DOCK9: variants seen among roughly 807,000 people sequenced by gnomAD.
DOCK9 encodes the protein dedicator of cytokinesis 9, also known as dedicator of cytokinesis protein 9.
DOCK9 carries 89 observed loss-of-function variants against 263.3 expected under a neutral mutation model. The observed-to-expected ratio is 0.34, with a 90% confidence interval of 0.28 to 0.40. The LOEUF is 0.40. Ranked by LOEUF, DOCK9 falls within the 10% of genes least tolerant of loss-of-function variation. The pLI, the probability that DOCK9 is intolerant of heterozygous loss-of-function variation, is 1.00. For synonymous variants in DOCK9, 976 were observed against 973.1 expected (o/e 1.00, Z -0.06); for missense variants, 2,140 against 2,603.4 (o/e 0.82, Z 3.87).
At chr13:98,882,621 GTTCTGTGCATTATTTC>G (rs140288507) in intron 23 of DOCK9, among the ~76,000 whole-genome samples, 19,524 of 152,096 alleles carry the variant, frequency 0.13, 1,349 homozygotes, top group South Asian at 0.2. Flanking sequence ...GCTGGGACTG[GTTCTGTGCATTATTTC>G]TTTATTTGAT....
intron 1 of DOCK9, among the ~76,000 whole-genome samples, chr13:98,964,021 A>G (rs752519973): frequency 6.6e-6 from 1 of 152,208 alleles, no homozygotes; most frequent in Non-Finnish European, 1.5e-5. Context: ...CCTTGTGTAC[A>G]CATGTGATTA....
chr13:98,896,668 G>C (rs1488371569), intron 15 of DOCK9, among the ~76,000 whole-genome samples: 1 of 152,170 alleles, frequency 6.6e-6, no homozygotes, highest in Non-Finnish European at 1.5e-5. Flanking sequence ...GGTTCAGAGT[G>C]AACTCTTTAG....
chr13:98,827,506 C>G (rs543700578), intron 43 of DOCK9, among the ~76,000 whole-genome samples: 1 of 152,378 alleles, frequency 6.6e-6, no homozygotes, highest in Admixed American at 6.5e-5. Context: ...CTAATGCATG[C>G]GGTTCTGTGC....
In DOCK9 at chr13:98,810,238, C is replaced by T; in HGVS notation, c.5184G>A (p.Glu1728=). 1 of 1,613,156 alleles carries T rather than the reference C, an allele frequency of 6.2e-7. No individual in the cohort carries two copies. Among genetic ancestry groups the T allele is most frequent in the Non-Finnish European group, 8.5e-7 (1 of 1,179,690 alleles). ...AGATGTCGGCGATGAGCTCGTAGCGCTCGGCTTTCCAGAGTCCATCTGCGC... is the reference window on the plus strand; with the variant it reads ...AGATGTCGGCGATGAGCTCGTAGCGTTCGGCTTTCCAGAGTCCATCTGCGC... ...EQCADGLWKA[E]RYELIADIYK... Residue 1728 remains glutamate, a synonymous_variant, in exon 46 of 53, where the codon GAG becomes GAA. Coordinates refer to ENST00000682017, the MANE Select transcript of DOCK9 (RefSeq NM_001366683.2).
intron 1 of DOCK9, among the ~76,000 whole-genome samples, chr13:99,051,661 G>A (rs2040701353): frequency 6.6e-6 from 1 of 151,920 alleles, no homozygotes; most frequent in Non-Finnish European, 1.5e-5. Context: ...ACCTGCAGAC[G>A]ACTTGACTCA....
At chr13:98,915,980 T>C (rs1457597927) in intron 7 of DOCK9, among the ~76,000 whole-genome samples, 1 of 152,234 alleles carries the variant, frequency 6.6e-6, no homozygotes, top group Non-Finnish European at 1.5e-5. Flanking sequence ...CATTATCTAT[T>C]ACTATGTTTG....
intron 1 of DOCK9, among the ~76,000 whole-genome samples, chr13:99,029,098 C>T (rs1468324468): frequency 1.3e-5 from 2 of 152,138 alleles, no homozygotes; most frequent in Non-Finnish European, 2.9e-5. Context: ...CAGTGTCATC[C>T]CCAGCAACAC....
intron 4 of DOCK9, among the ~76,000 whole-genome samples, chr13:98,925,079 G>A (rs1161034884): frequency 6.6e-6 from 1 of 152,084 alleles, no homozygotes; most frequent in African/African-American, 2.4e-5. Flanking sequence ...CGGGAGAGTT[G>A]CTTGAACTTG....
intron 33 of DOCK9, chr13:98,860,069 C>T: frequency 6.5e-6 from 4 of 611,264 alleles, no homozygotes; most frequent in Non-Finnish European, 8.9e-6. Context: ...TCAGTGTTCC[C>T]CTCCCCCCAC....
chr13:98,985,368 C>T (rs1006379366), intron 1 of DOCK9, among the ~76,000 whole-genome samples: 3 of 151,146 alleles, frequency 2.0e-5, no homozygotes, highest in African/African-American at 7.3e-5. Flanking sequence ...GCATCCTATT[C>T]TACTTTTCTT....
At chr13:98,809,194 G>T in intron 47 of DOCK9, 158 bp downstream of exon 47, 2 of 1,339,366 alleles carry the variant, frequency 1.5e-6, no homozygotes, top group South Asian at 1.3e-5. Context: ...TACTGAGGAA[G>T]ATAAGAATCA....
intron 1 of DOCK9, among the ~76,000 whole-genome samples, chr13:99,033,387 G>T (rs569830103): frequency 1.4e-4 from 21 of 152,318 alleles, no homozygotes; most frequent in African/African-American, 4.8e-4. Flanking sequence ...TAAACCATTT[G>T]TGAGGGAATG....
intron 11 of DOCK9, 116 bp from the exon 12 acceptor site, chr13:98,902,607 A>C (rs2048463849): frequency 1.1e-6 from 1 of 914,848 alleles, no homozygotes; most frequent in African/African-American, 1.7e-5. Flanking sequence ...AATTACTACT[A>C]AACAGTCTCA....
At chr13:98,891,897 G>C (rs1314475101) in intron 15 of DOCK9, among the ~76,000 whole-genome samples, 1 of 151,646 alleles carries the variant, frequency 6.6e-6, no homozygotes. Flanking sequence ...GTTGAATCTG[G>C]TTTATTAGAC....
At chr13:98,921,630 T>C (rs1287139104) in intron 6 of DOCK9, among the ~76,000 whole-genome samples, 1 of 152,222 alleles carries the variant, frequency 6.6e-6, no homozygotes, top group Non-Finnish European at 1.5e-5. Flanking sequence ...GTCTGCAACC[T>C]TCTCTTCTAT....
At chr13:98,902,846 T>G in intron 11 of DOCK9, 126 bp downstream of exon 11, 1 of 975,102 alleles carries the variant, frequency 1.0e-6, no homozygotes. Context: ...CTCCATATCC[T>G]GATCCAAACA....
At chr13:98,868,722 C>A (rs1398311909) in intron 27 of DOCK9, among the ~76,000 whole-genome samples, 1 of 152,184 alleles carries the variant, frequency 6.6e-6, no homozygotes, top group Non-Finnish European at 1.5e-5. Context: ...CCACTGTACT[C>A]CAGCCAGGGT....
intron 2 of DOCK9, among the ~76,000 whole-genome samples, chr13:98,952,435 C>A (rs1368582849): frequency 2.6e-5 from 4 of 152,072 alleles, no homozygotes; most frequent in Admixed American, 2.6e-4. Context: ...TGGGGTTTCA[C>A]CATATTGGCC....
At chr13:99,045,095 T>C (rs893756041) in intron 1 of DOCK9, among the ~76,000 whole-genome samples, 1 of 152,210 alleles carries the variant, frequency 6.6e-6, no homozygotes, top group Non-Finnish European at 1.5e-5. Flanking sequence ...GAAAACAGTA[T>C]GGGGGTTCCT....
Sources: gnomAD v4.1 joint callset for allele counts (sites outside exome capture counted in the v4.1 genomes callset) on GRCh38, gnomAD v4.1.1 for gene constraint, MANE v1.5 for transcripts, NCBI Gene and HGNC (gene_info 2026-07-23, HGNC 2026-07-21) for gene names.